The following PTPRG variants were observed in gnomAD, a reference collection of about 807,000 sequenced individuals.
PTPRG encodes the protein protein tyrosine phosphatase receptor type G.
In PTPRG, 102 loss-of-function variants were observed where a neutral mutation model predicts 165.3. The ratio of observed to expected loss-of-function variants is 0.62; its 90% CI spans 0.53 to 0.73. The LOEUF (loss-of-function observed/expected upper bound fraction) is 0.73. Ranked by LOEUF, PTPRG falls within the 30% of genes least tolerant of loss-of-function variation. The pLI is 0.00. For synonymous variants in PTPRG, 675 were observed against 669.5 expected (o/e 1.01, Z -0.13); for missense variants, 1,866 against 1,861.4 (o/e 1.00, Z -0.05).
At chr3:62,059,917 C>T (rs1404935998) in intron 4 of PTPRG, among the ~76,000 whole-genome samples, 2 of 152,152 alleles carry the variant, frequency 1.3e-5, no homozygotes, top group African/African-American at 2.4e-5. Context: ...CCCCCTCCAC[C>T]ATGATTGTAA....
intron 1 of PTPRG, among the ~76,000 whole-genome samples, chr3:61,686,928 G>A (rs976500758): frequency 6.6e-6 from 1 of 152,134 alleles, no homozygotes; most frequent in African/African-American, 2.4e-5. Context: ...TGGGGAAGAG[G>A]TGAGATAAGG....
At chr3:62,166,001 C>T (rs911451093) in intron 7 of PTPRG, among the ~76,000 whole-genome samples, 2 of 151,938 alleles carry the variant, frequency 1.3e-5, no homozygotes, top group South Asian at 2.1e-4. Flanking sequence ...CCTTCTGGTT[C>T]CCCGAAGCCT....
chr3:62,184,751 A>G (rs1332760442), intron 8 of PTPRG, among the ~76,000 whole-genome samples: 1 of 152,186 alleles, frequency 6.6e-6, no homozygotes, highest in Non-Finnish European at 1.5e-5. Context: ...CCTCCCACCC[A>G]GGAAGCAGCA....
intron 2 of PTPRG, among the ~76,000 whole-genome samples, chr3:61,758,751 A>G (rs1431639684): frequency 3.3e-5 from 5 of 152,034 alleles, no homozygotes; most frequent in Middle Eastern, 3.4e-3. Flanking sequence ...GAAATTATCA[A>G]TTTGAGTTGA....
intron 2 of PTPRG, among the ~76,000 whole-genome samples, chr3:61,793,752 G>GT (rs367969900): frequency 2.6e-5 from 4 of 151,920 alleles, no homozygotes; most frequent in South Asian, 4.2e-4. Context: ...ACTTGTTGTT[G>GT]TTTTTTTTCT....
At chr3:61,631,728 T>G (rs573604576) in intron 1 of PTPRG, among the ~76,000 whole-genome samples, 1 of 152,194 alleles carries the variant, frequency 6.6e-6, no homozygotes, top group Non-Finnish European at 1.5e-5. Flanking sequence ...CTTATTCTAC[T>G]CAGTCATTGG....
rs1050735278 is a variant in PTPRG at position 62,254,825 on chromosome 3, G to A, written c.2468-299G>A. ...TTGATAAATTCACACTTTTAGTTAA[G>A]AGTATGCTATGGTAATTTAACTATG... On this transcript the variant is annotated intron_variant, in intron 15 of 29. Coordinates refer to ENST00000474889, the MANE Select transcript of PTPRG (RefSeq NM_002841.4). This position sits in a 1 kb window ranked among gnomAD's most constrained non-coding sequence, Gnocchi z 4.6. 2.0e-5 allele frequency among the ~76,000 whole-genome samples: 3 copies of A among 152,060 alleles called. No individual in the cohort carries two copies. Among genetic ancestry groups the A allele is most frequent in the African/African-American group, 7.2e-5 (3 of 41,414 alleles).
intron 1 of PTPRG, among the ~76,000 whole-genome samples, chr3:61,707,488 A>C (rs1395537766): frequency 1.3e-5 from 2 of 152,154 alleles, no homozygotes; most frequent in Non-Finnish European, 2.9e-5. Flanking sequence ...CAAAGGCAAG[A>C]AACAAATGTG....
intron 4 of PTPRG, among the ~76,000 whole-genome samples, chr3:62,047,049 G>A (rs1429382687): frequency 6.6e-6 from 1 of 152,154 alleles, no homozygotes; most frequent in East Asian, 1.9e-4. Flanking sequence ...AGAGCAATAA[G>A]TGGAACCCAG....
intron 16 of PTPRG, chr3:62,261,852 A>G (rs1219399151): frequency 1.3e-5 from 2 of 152,190 alleles, no homozygotes; most frequent in Admixed American, 1.3e-4. Context: ...TGTAAATACT[A>G]TGGAAAACAT....
At position 62,157,125 on chromosome 3, in the gene PTPRG, C is replaced by T; in HGVS notation, c.741C>T (p.Gly247=). Residue 247 remains glycine (G), a synonymous_variant, in exon 7 of 30, where the codon GGC becomes GGT. Transcript: ENST00000474889. ...VLRDLLPASL[G]SYYRYTGSLT... is the part of the protein sequence containing the mutation. ...GGGACCTCCTGCCTGCATCCCTGGG[C>T]AGCTATTATCGGTACACAGGTTCCT... 1 of 1,612,288 alleles carries T rather than the reference C, an allele frequency of 6.2e-7. No individual in the cohort carries two copies. Among genetic ancestry groups the T allele is most frequent in the Non-Finnish European group, 8.5e-7 (1 of 1,178,360 alleles).
chr3:61,948,503 C>G (rs1046277363), intron 2 of PTPRG, among the ~76,000 whole-genome samples: 1 of 152,110 alleles, frequency 6.6e-6, no homozygotes, highest in African/African-American at 2.4e-5. Flanking sequence ...AAACATTTTT[C>G]ATGCTAGTGT....
At chr3:62,143,413 G>T (rs925329096) in intron 6 of PTPRG, among the ~76,000 whole-genome samples, 1 of 152,148 alleles carries the variant, frequency 6.6e-6, no homozygotes, top group Non-Finnish European at 1.5e-5. Context: ...AGGGGTTCTT[G>T]CCTGTTTTTG....
intron 1 of PTPRG, among the ~76,000 whole-genome samples, chr3:61,667,157 G>T (rs975970192): frequency 6.6e-6 from 1 of 152,156 alleles, no homozygotes; most frequent in Non-Finnish European, 1.5e-5. Context: ...AATCATAACA[G>T]AACTCGAATC....
chr3:62,262,883 A>G lies in PTPRG; in HGVS notation c.2645A>G (p.Asn882Ser), dbSNP rs373482559. ...AACAAGCACAAAAACAGATACATCAACATTTTAGCATGTGAGTAATAAGCT... is the reference window on the plus strand; with the variant it reads ...AACAAGCACAAAAACAGATACATCAGCATTTTAGCATGTGAGTAATAAGCT... ...PENKHKNRYINILAYDHSRVK... is the reference protein window; with the variant it reads ...PENKHKNRYISILAYDHSRVK... The change falls in exon 17 of 30, where the codon AAC (asparagine) becomes AGC (serine). Residue 882 changes from asparagine (N) to serine (S), a missense_variant. Transcript: ENST00000474889. The G allele has an allele frequency of 6.2e-6, 10 of 1,610,326 alleles. No homozygotes were observed. The highest frequency in any genetic ancestry group is 2.7e-5 in the African/African-American group (2 of 74,850).
chr3:62,203,115 C>T lies in PTPRG; in HGVS notation c.1378-58C>T. 2 of 1,523,054 alleles carry T rather than the reference C, an allele frequency of 1.3e-6. No individual in the cohort carries two copies. Among genetic ancestry groups the T allele is most frequent in the Admixed American group, 2.2e-5 (1 of 45,930 alleles). The allele number at this position is 1,523,054 out of a possible 1,614,324, so 94.3% of individuals were successfully genotyped here. A position where few individuals can be genotyped will look rare whatever the true frequency, so the allele number is the denominator to read the frequency against. On this transcript the variant is annotated intron_variant, in intron 11 of 29. Transcript: ENST00000474889. This position sits in a 1 kb window ranked among gnomAD's most constrained non-coding sequence, Gnocchi z 6.4. ...TCATTCCCAATCTCAATTACTGATGCTTCTCTGCTTTTTCTTCTTCTGCCT... is the reference window on the plus strand; with the variant it reads ...TCATTCCCAATCTCAATTACTGATGTTTCTCTGCTTTTTCTTCTTCTGCCT...
intron 2 of PTPRG, among the ~76,000 whole-genome samples, chr3:61,761,932 C>T (rs1384576648): frequency 6.6e-6 from 1 of 152,140 alleles, no homozygotes; most frequent in Non-Finnish European, 1.5e-5. Context: ...AAATGTTAGG[C>T]TGATGTTCTT....
intron 2 of PTPRG, among the ~76,000 whole-genome samples, chr3:61,987,985 A>G (rs980978409): frequency 6.6e-6 from 1 of 152,192 alleles, no homozygotes; most frequent in African/African-American, 2.4e-5. Context: ...ACAAAGAGGT[A>G]AAAAAATACA....
At chr3:61,658,768 C>T (rs1051569832) in intron 1 of PTPRG, among the ~76,000 whole-genome samples, 1 of 152,154 alleles carries the variant, frequency 6.6e-6, no homozygotes, top group Admixed American at 6.5e-5. Flanking sequence ...GATGAGTTTG[C>T]TAGACACTCA....
Sources: allele counts gnomAD v4.1 joint callset (sites outside exome capture counted in the v4.1 genomes callset), GRCh38; gene constraint gnomAD v4.1.1; non-coding constraint Gnocchi (gnomAD v3.1); transcripts MANE v1.5; gene names NCBI Gene and HGNC (gene_info 2026-07-23, HGNC 2026-07-21).